TENM3: variants seen among roughly 807,000 people sequenced by gnomAD.
The protein encoded by TENM3 is teneurin transmembrane protein 3.
TENM3 carries 63 observed loss-of-function variants against 255.1 expected under a neutral mutation model. The ratio of observed to expected loss-of-function variants is 0.25; its 90% CI spans 0.20 to 0.30. The LOEUF is 0.30. Ranked by LOEUF, TENM3 falls within the 10% of genes least tolerant of loss-of-function variation. TENM3 has a pLI of 1.00. For missense variants in TENM3, 2,929 were observed against 3,461.1 expected (o/e 0.85, Z 3.86); for synonymous variants, 1,306 against 1,322.3 (o/e 0.99, Z 0.27).
the TENM3 span, among the ~76,000 whole-genome samples, chr4:181,618,598 A>G: frequency 1.3e-5 from 2 of 152,216 alleles, no homozygotes; most frequent in African/African-American, 4.8e-5. Context: ...TCTGAATGCA[A>G]TAAAGTTCTA....
chr4:182,736,625 CT>C (rs1358917367), intron 16 of TENM3, among the ~76,000 whole-genome samples, 182 bp from the exon 17 acceptor site: 1 of 152,118 alleles, frequency 6.6e-6, no homozygotes, highest in Non-Finnish European at 1.5e-5. Context: ...AATAGTGATT[CT>C]TTTGTGTTTT....
the TENM3 span, among the ~76,000 whole-genome samples, chr4:181,969,620 T>C: frequency 6.6e-6 from 1 of 152,222 alleles, no homozygotes; most frequent in African/African-American, 2.4e-5. Flanking sequence ...GCAAATGAGT[T>C]CAGGATACCT....
At chr4:182,480,295 C>T (rs1580697447) in intron 3 of TENM3, among the ~76,000 whole-genome samples, 2 of 151,976 alleles carry the variant, frequency 1.3e-5, no homozygotes, top group South Asian at 4.1e-4. Flanking sequence ...TAGAATTTTA[C>T]AGTAATTTAG....
At chr4:181,722,820 T>C in the TENM3 span, among the ~76,000 whole-genome samples, 3 of 152,150 alleles carry the variant, frequency 2.0e-5, no homozygotes, top group Admixed American at 2.0e-4. Flanking sequence ...TGATTTTTAA[T>C]GGCTGCAGGT....
At chr4:181,821,338 T>C in the TENM3 span, among the ~76,000 whole-genome samples, 1 of 152,198 alleles carries the variant, frequency 6.6e-6, no homozygotes, top group Non-Finnish European at 1.5e-5. Context: ...AAACAATCTC[T>C]TCCCCCTTTG....
intron 24 of TENM3, among the ~76,000 whole-genome samples, chr4:182,782,816 T>C: frequency 7.4e-6 from 1 of 135,360 alleles, no homozygotes; most frequent in South Asian, 2.6e-4. Context: ...GTAATGGCCT[T>C]CTTTGTCTCT....
chr4:182,600,545 C>G (rs1747724733), intron 3 of TENM3, among the ~76,000 whole-genome samples: 1 of 151,828 alleles, frequency 6.6e-6, no homozygotes, highest in Non-Finnish European at 1.5e-5. Context: ...CTGAAATTAC[C>G]CATTTAATTT....
At chr4:182,603,545 C>A (rs1465538179) in intron 4 of TENM3, among the ~76,000 whole-genome samples, 1 of 152,004 alleles carries the variant, frequency 6.6e-6, no homozygotes. Context: ...ACTGTACCGA[C>A]ACAGTACTAC....
chr4:182,092,151 C>T, the TENM3 span, among the ~76,000 whole-genome samples: 1 of 151,334 alleles, frequency 6.6e-6, no homozygotes, highest in Non-Finnish European at 1.5e-5. Flanking sequence ...ACCAGCCTGG[C>T]CAACATGGTG....
the TENM3 span, among the ~76,000 whole-genome samples, chr4:181,861,335 C>A: frequency 5.3e-5 from 8 of 152,244 alleles, no homozygotes; most frequent in South Asian, 2.1e-4. Context: ...ATAGCTATGG[C>A]TTTTGAGGAA....
chr4:182,681,975 A>C lies in TENM3; in HGVS notation c.1996A>C (p.Thr666Pro). The C allele has an allele frequency of 6.2e-7, 1 of 1,613,952 alleles. No homozygotes were observed. Among genetic ancestry groups the C allele is most frequent in the Non-Finnish European group, 8.5e-7 (1 of 1,179,886 alleles). The change falls in exon 11 of 28, where the codon ACG (threonine) becomes CCG (proline). Residue 666 changes from threonine (T) to proline (P), a missense_variant. By Grantham distance (38) the Thr-to-Pro change is conservative (BLOSUM62 -1). Coordinates refer to ENST00000511685, the MANE Select transcript of TENM3 (RefSeq NM_001080477.4). ...GTYLQESGSC[T>P]CDPNWTGPDC... ...GTATCTTCAAGAAAGTGGCTCCTGC[A>C]CGTGTGACCCTAACTGGACTGGCCC... is the stretch of plus-strand genomic sequence containing the variant.
intron 4 of TENM3, among the ~76,000 whole-genome samples, chr4:182,615,058 T>TAC (rs1749361373): frequency 8.0e-6 from 1 of 124,936 alleles, no homozygotes; most frequent in Non-Finnish European, 1.7e-5. Flanking sequence ...TATATATATA[T>TAC]ATATATATGT....
chr4:182,250,214 G>A (rs971194755), intron 1 of TENM3, among the ~76,000 whole-genome samples: 12 of 151,568 alleles, frequency 7.9e-5, no homozygotes, highest in South Asian at 2.1e-4. Flanking sequence ...CACCACGCCC[G>A]GCTACTTTTT....
chr4:181,910,600 A>G, the TENM3 span, among the ~76,000 whole-genome samples: 1 of 148,818 alleles, frequency 6.7e-6, no homozygotes, highest in South Asian at 2.1e-4. Context: ...GTATATATAT[A>G]TATATATATA....
the TENM3 span, among the ~76,000 whole-genome samples, chr4:181,989,218 A>G: frequency 6.6e-6 from 1 of 152,040 alleles, no homozygotes; most frequent in Non-Finnish European, 1.5e-5. Context: ...TTTCCAGGAA[A>G]AGCAACGGTC....
chr4:182,364,234 C>T (rs1450492859), intron 3 of TENM3, among the ~76,000 whole-genome samples: 1 of 151,958 alleles, frequency 6.6e-6, no homozygotes, highest in African/African-American at 2.4e-5. Context: ...GTGTTTAAAT[C>T]AATGCCCTTA....
the TENM3 span, among the ~76,000 whole-genome samples, chr4:182,108,148 A>G: frequency 1.3e-5 from 2 of 152,176 alleles, no homozygotes; most frequent in Non-Finnish European, 2.9e-5. Flanking sequence ...GCATGTGCCC[A>G]GCCTGCACCG....
At chr4:181,930,935 T>G in the TENM3 span, among the ~76,000 whole-genome samples, 1 of 152,200 alleles carries the variant, frequency 6.6e-6, no homozygotes, top group East Asian at 1.9e-4. Flanking sequence ...TCTCAATAGA[T>G]GCAGAAAAGG....
At chr4:182,496,859 A>T (rs1735816591) in intron 3 of TENM3, among the ~76,000 whole-genome samples, 1 of 152,196 alleles carries the variant, frequency 6.6e-6, no homozygotes, top group South Asian at 2.1e-4. Flanking sequence ...AGTAGCTAAA[A>T]TGATTGATTT....
Sources: allele counts gnomAD v4.1 joint callset (sites outside exome capture counted in the v4.1 genomes callset), GRCh38; gene constraint gnomAD v4.1.1; transcripts MANE v1.5; gene names NCBI Gene and HGNC (gene_info 2026-07-23, HGNC 2026-07-21).